Variants in MAGI1 observed in about 807,000 individuals in gnomAD.
The protein encoded by MAGI1 is membrane-associated guanylate kinase, WW and PDZ domain-containing protein 1.
Under a neutral mutation model 139.9 loss-of-function variants are expected in MAGI1, and 58 were observed. That is an observed-to-expected ratio of 0.41 (90% CI 0.34 to 0.52). MAGI1 has a LOEUF of 0.52. MAGI1 is among the 20% of genes least tolerant of loss of function. MAGI1 has a pLI of 0.12. For synonymous variants in MAGI1, 812 were observed against 737.9 expected, an observed-to-expected ratio of 1.10 and a Z score of -1.63; for missense variants, 1,874 against 1,901.6, an observed-to-expected ratio of 0.99 and a Z score of 0.27.
At chr3:65,422,334 G>T (rs1946687236) in intron 12 of MAGI1, among the ~76,000 whole-genome samples, 1 of 152,176 alleles carries the variant, frequency 6.6e-6, no homozygotes, top group Non-Finnish European at 1.5e-5. Context: ...TTGGCCTATG[G>T]ACACAATGAA....
At chr3:65,424,954 T>C (rs1946901628) in intron 12 of MAGI1, among the ~76,000 whole-genome samples, 1 of 151,870 alleles carries the variant, frequency 6.6e-6, no homozygotes, top group African/African-American at 2.4e-5. Flanking sequence ...CACATGCCTG[T>C]AGTCCTAGCT....
At chr3:65,762,425 G>A (rs1207282083) in intron 1 of MAGI1, among the ~76,000 whole-genome samples, 1 of 151,944 alleles carries the variant, frequency 6.6e-6, no homozygotes, top group South Asian at 2.1e-4. Flanking sequence ...CACAGCAGGT[G>A]GACAAGTGAA....
intron 2 of MAGI1, among the ~76,000 whole-genome samples, chr3:65,507,361 A>G (rs2077337115): frequency 6.6e-6 from 1 of 152,238 alleles, no homozygotes; most frequent in Non-Finnish European, 1.5e-5. Context: ...CAAACATTCA[A>G]AAAGTGTCTC....
At chr3:65,791,448 T>C (rs151240793) in intron 1 of MAGI1, among the ~76,000 whole-genome samples, 2 of 152,238 alleles carry the variant, frequency 1.3e-5, no homozygotes, top group South Asian at 2.1e-4. Context: ...AAAATACTAA[T>C]ATTAGAAAAT....
At chr3:65,805,973 T>C (rs1001874407) in intron 1 of MAGI1, among the ~76,000 whole-genome samples, 2 of 152,024 alleles carry the variant, frequency 1.3e-5, no homozygotes, top group African/African-American at 4.8e-5. Flanking sequence ...TCAGGATAAA[T>C]AGCTAATAGA....
intron 5 of MAGI1, among the ~76,000 whole-genome samples, chr3:65,467,787 T>C (rs932050697): frequency 1.3e-5 from 2 of 152,232 alleles, no homozygotes; most frequent in African/African-American, 4.8e-5. Context: ...CAGGAACACC[T>C]ATTATCCTTC....
intron 1 of MAGI1, among the ~76,000 whole-genome samples, chr3:65,696,216 T>TA (rs1273670936): frequency 1.3e-5 from 2 of 152,162 alleles, no homozygotes; most frequent in Non-Finnish European, 2.9e-5. Flanking sequence ...CAACTCACCT[T>TA]ATCAAGGAGG....
chr3:65,827,157 A>G (rs1459778745), intron 1 of MAGI1, among the ~76,000 whole-genome samples: 4 of 152,238 alleles, frequency 2.6e-5, no homozygotes, highest in Non-Finnish European at 2.9e-5. Context: ...TTATAAATCT[A>G]AACTTTCACA....
In MAGI1 at chr3:65,991,194, CAGG is replaced by C. The variant is rs574658452; in HGVS notation, c.313+46799_313+46801del. Among the ~76,000 whole-genome samples the C allele has an allele frequency of 5.0e-4, 74 of 146,644 alleles. 2 individuals are homozygous for C. The highest frequency in any genetic ancestry group is 3.6e-3 in the Middle Eastern group (1 of 278). On this transcript the variant is annotated intron_variant, in intron 1 of 22. Coordinates refer to ENST00000402939, the MANE Select transcript of MAGI1 (RefSeq NM_001033057.2). ...GTCCCAGCTACTCAGGAAGCTGAGG[CAGG>C]AGAATTGTTTGAACCCAGAAGGTGG...
chr3:65,636,649 C>A (rs886343962), intron 1 of MAGI1, among the ~76,000 whole-genome samples: 83 of 152,038 alleles, frequency 5.5e-4, no homozygotes, highest in African/African-American at 2.0e-3. Flanking sequence ...AGCAAACGGG[C>A]AACCCAAAGT....
chr3:65,798,381 T>C (rs909031976), intron 1 of MAGI1, among the ~76,000 whole-genome samples: 6 of 152,112 alleles, frequency 3.9e-5, no homozygotes, highest in African/African-American at 1.4e-4. Flanking sequence ...GCCCATTCCA[T>C]GCCTTTCTTC....
chr3:65,628,565 C>T (rs1338172026), intron 1 of MAGI1, among the ~76,000 whole-genome samples: 1 of 151,610 alleles, frequency 6.6e-6, no homozygotes, highest in Non-Finnish European at 1.5e-5. Flanking sequence ...TTGCCTGGCA[C>T]AAAATAAATC....
At chr3:65,515,444 T>C (rs1249209399) in intron 2 of MAGI1, among the ~76,000 whole-genome samples, 2 of 152,174 alleles carry the variant, frequency 1.3e-5, no homozygotes, top group South Asian at 2.1e-4. Flanking sequence ...GCTTTCTAAA[T>C]GCTTAAATGA....
intron 10 of MAGI1, among the ~76,000 whole-genome samples, chr3:65,435,342 C>T (rs890956869): frequency 3.9e-5 from 6 of 152,142 alleles, no homozygotes; most frequent in Non-Finnish European, 7.3e-5. Context: ...CAGACAAATA[C>T]CGTCTCAAGT....
At chr3:65,751,844 A>T (rs185852765) in intron 1 of MAGI1, among the ~76,000 whole-genome samples, 258 of 152,366 alleles carry the variant, frequency 1.7e-3, no homozygotes, top group Middle Eastern at 3.4e-3. Flanking sequence ...ATCCAATTTT[A>T]AAAAATTTCC....
intron 18 of MAGI1, among the ~76,000 whole-genome samples, chr3:65,368,041 C>T (rs762284702): frequency 1.3e-5 from 2 of 152,094 alleles, no homozygotes; most frequent in African/African-American, 2.4e-5. Context: ...ACTTTTACTT[C>T]TTCATTTGGA....
chr3:65,716,787 G>C (rs949042644), intron 1 of MAGI1, among the ~76,000 whole-genome samples: 1 of 152,092 alleles, frequency 6.6e-6, no homozygotes, highest in Admixed American at 6.5e-5. Flanking sequence ...TAGGTGCTAG[G>C]GGTTTTAAAA....
intron 5 of MAGI1, among the ~76,000 whole-genome samples, chr3:65,465,177 T>C (rs1471787144): frequency 6.6e-6 from 1 of 151,280 alleles, no homozygotes; most frequent in African/African-American, 2.4e-5. Context: ...AGTACTATTA[T>C]TGCTTCAACA....
intron 1 of MAGI1, among the ~76,000 whole-genome samples, chr3:66,016,561 G>C (rs1207115904): frequency 1.3e-5 from 2 of 152,202 alleles, no homozygotes; most frequent in Non-Finnish European, 2.9e-5. Flanking sequence ...GGCAATATGT[G>C]CCCCAGCACC....
Sources: allele counts gnomAD v4.1 joint callset (sites outside exome capture counted in the v4.1 genomes callset), GRCh38; gene constraint gnomAD v4.1.1; transcripts MANE v1.5; gene names NCBI Gene and HGNC (gene_info 2026-07-23, HGNC 2026-07-21).